Variants in SEMA3A observed in about 807,000 individuals in gnomAD.
SEMA3A encodes the protein semaphorin-3A.
In SEMA3A, 29 loss-of-function variants were observed where a neutral mutation model predicts 97.9. That is an observed-to-expected ratio of 0.30 (90% CI 0.22 to 0.40). The LOEUF is 0.40. Among genes scored for constraint, SEMA3A ranks in the 10% least tolerant of loss-of-function variants. The pLI is 1.00. For missense variants in SEMA3A, 763 were observed against 951.3 expected, an observed-to-expected ratio of 0.80 and a Z score of 2.60; for synonymous variants, 321 against 323.7, an observed-to-expected ratio of 0.99 and a Z score of 0.09.
At chr7:84,361,396 G>A (rs979234688) in intron 2 of SEMA3A, among the ~76,000 whole-genome samples, 10 of 151,918 alleles carry the variant, frequency 6.6e-5, no homozygotes, top group Non-Finnish European at 1.5e-4. Flanking sequence ...ATAAATAAAG[G>A]AAAAATAAGA....
intron 12 of SEMA3A, among the ~76,000 whole-genome samples, chr7:83,995,124 C>G (rs1315165623): frequency 1.3e-5 from 2 of 152,152 alleles, no homozygotes; most frequent in Non-Finnish European, 2.9e-5. Context: ...AAAAGGAACT[C>G]CCTGACCCCT....
intron 4 of SEMA3A, among the ~76,000 whole-genome samples, chr7:84,109,658 T>C (rs1239920908): frequency 6.6e-6 from 1 of 152,204 alleles, no homozygotes; most frequent in Non-Finnish European, 1.5e-5. Context: ...CTATCAGAAA[T>C]ATTTCAAGAA....
chr7:84,172,380 A>C (rs970534581), intron 1 of SEMA3A, among the ~76,000 whole-genome samples: 12 of 152,100 alleles, frequency 7.9e-5, no homozygotes, highest in African/African-American at 2.9e-4. Context: ...TTTTCATGTC[A>C]CAAAATATTC....
intron 3 of SEMA3A, among the ~76,000 whole-genome samples, chr7:84,235,203 T>C (rs1799207069): frequency 6.6e-6 from 1 of 152,094 alleles, no homozygotes; most frequent in South Asian, 2.1e-4. Flanking sequence ...AAATAAACTA[T>C]GTAAGTATAG....
chr7:84,208,447 C>CAA (rs962258668), intron 3 of SEMA3A, among the ~76,000 whole-genome samples: 1 of 138,216 alleles, frequency 7.2e-6, no homozygotes. Flanking sequence ...GACTCCGTCT[C>CAA]AAAAAAAAAA....
intron 14 of SEMA3A, among the ~76,000 whole-genome samples, chr7:83,979,014 A>C (rs1182590974): frequency 6.6e-6 from 1 of 152,170 alleles, no homozygotes; most frequent in Non-Finnish European, 1.5e-5. Context: ...TTTTCTTTTT[A>C]TCTCTTTCCT....
intron 3 of SEMA3A, among the ~76,000 whole-genome samples, chr7:84,272,123 G>C (rs1800167166): frequency 6.6e-6 from 1 of 151,814 alleles, no homozygotes; most frequent in African/African-American, 2.4e-5. Context: ...TAACTAAAAT[G>C]AAATATGAGC....
intron 14 of SEMA3A, among the ~76,000 whole-genome samples, chr7:83,979,269 G>C (rs1256359268): frequency 6.6e-6 from 1 of 151,950 alleles, no homozygotes; most frequent in Non-Finnish European, 1.5e-5. Context: ...AAATAGCTGG[G>C]ATTACAGGCA....
intron 1 of SEMA3A, among the ~76,000 whole-genome samples, chr7:84,429,819 G>C (rs1804933698): frequency 6.6e-6 from 1 of 151,558 alleles, no homozygotes; most frequent in African/African-American, 2.4e-5. Flanking sequence ...TTTATTTACT[G>C]TAAGGAAAAA....
At chr7:83,972,762 T>C (rs1422667189) in intron 15 of SEMA3A, among the ~76,000 whole-genome samples, 2 of 152,154 alleles carry the variant, frequency 1.3e-5, no homozygotes. Flanking sequence ...TCTGATGACA[T>C]ACTTAAAGAC....
intron 1 of SEMA3A, among the ~76,000 whole-genome samples, chr7:84,142,896 A>G (rs1266546729): frequency 6.6e-6 from 1 of 152,108 alleles, no homozygotes; most frequent in Non-Finnish European, 1.5e-5. Context: ...TCTTCTTTCC[A>G]TTACTGACGT....
At chr7:84,142,033 C>A (rs1291618783) in intron 1 of SEMA3A, among the ~76,000 whole-genome samples, 1 of 152,190 alleles carries the variant, frequency 6.6e-6, no homozygotes, top group Admixed American at 6.5e-5. Context: ...GCCATGTTAT[C>A]AGGGAGAGAC....
chr7:84,457,450 AT>A (rs747216894), intron 1 of SEMA3A, among the ~76,000 whole-genome samples: 2 of 151,530 alleles, frequency 1.3e-5, no homozygotes, highest in African/African-American at 4.8e-5. Flanking sequence ...TGCCTTTTAC[AT>A]TTTTTTTAGC....
At chr7:84,420,818 G>A (rs1179042184) in intron 1 of SEMA3A, among the ~76,000 whole-genome samples, 1 of 152,004 alleles carries the variant, frequency 6.6e-6, no homozygotes, top group Non-Finnish European at 1.5e-5. Flanking sequence ...TTGTATTTCT[G>A]TGGGATCAGT....
At chr7:84,077,564 T>G (rs915872505) in intron 4 of SEMA3A, among the ~76,000 whole-genome samples, 1 of 152,026 alleles carries the variant, frequency 6.6e-6, no homozygotes, top group Non-Finnish European at 1.5e-5. Flanking sequence ...GGATTAACAT[T>G]TTATTTATAC....
chr7:84,178,987 C>T lies in SEMA3A; in HGVS notation c.112+15488G>A, dbSNP rs1269008466. Among the ~76,000 whole-genome samples the T allele has an allele frequency of 2.6e-5, 4 of 152,102 alleles. No homozygotes were observed. In the East Asian group the frequency reaches 7.7e-4, roughly 29 times the overall value. ...CTGCCAAACGGTTCTTTGATTCCTACTTCAAATATTTCTTTTCACATAAAG... is the reference window on the plus strand; with the variant it reads ...CTGCCAAACGGTTCTTTGATTCCTATTTCAAATATTTCTTTTCACATAAAG... On this transcript the variant is annotated intron_variant, in intron 1 of 16. Transcript: ENST00000265362.
chr7:83,963,425 T>C, intron 15 of SEMA3A, 78 bp from the exon 16 acceptor site: 1 of 1,477,376 alleles, frequency 6.8e-7, no homozygotes, highest in Non-Finnish European at 9.2e-7. Flanking sequence ...ATTTGGAAAT[T>C]CAGGAGACAA....
chr7:84,000,525 C>T (rs1247196554), intron 12 of SEMA3A, among the ~76,000 whole-genome samples: 1 of 152,064 alleles, frequency 6.6e-6, no homozygotes, highest in Admixed American at 6.6e-5. Flanking sequence ...GAGCTAAGTA[C>T]TCGTTACTGT....
chr7:84,065,950 A>C (rs981635575), intron 4 of SEMA3A, among the ~76,000 whole-genome samples: 3 of 151,472 alleles, frequency 2.0e-5, no homozygotes, highest in Non-Finnish European at 4.4e-5. Flanking sequence ...TACCAAAGCC[A>C]GGCAGAGACA....
Sources: gnomAD v4.1 joint callset for allele counts (sites outside exome capture counted in the v4.1 genomes callset) on GRCh38, gnomAD v4.1.1 for gene constraint, MANE v1.5 for transcripts, NCBI Gene and HGNC (gene_info 2026-07-23, HGNC 2026-07-21) for gene names.